ANKRD40: variants seen among roughly 807,000 people sequenced by gnomAD.
The protein encoded by ANKRD40 is ankyrin repeat domain 40, also known as ankyrin repeat domain-containing protein 40.
Under a neutral mutation model 35.5 loss-of-function variants are expected in ANKRD40, and 24 were observed. The ratio of observed to expected loss-of-function variants is 0.68; its 90% CI spans 0.49 to 0.95. The LOEUF (loss-of-function observed/expected upper bound fraction) is 0.95, where lower values mean the gene tolerates loss of function less well. Among genes scored for constraint, ANKRD40 ranks in the 40% least tolerant of loss-of-function variants. The pLI, the probability that ANKRD40 is intolerant of heterozygous loss-of-function variation, is 0.00. For missense variants in ANKRD40, 361 were observed against 436.0 expected, an observed-to-expected ratio of 0.83 and a Z score of 1.53; for synonymous variants, 147 against 173.5, an observed-to-expected ratio of 0.85 and a Z score of 1.20.
intron 1 of ANKRD40, among the ~76,000 whole-genome samples, chr17:50,703,457 A>C (rs4793668): frequency 1 from 151,982 of 152,258 alleles, 75,853 homozygotes; most frequent in Non-Finnish European, 1. Flanking sequence ...TTAGGGAATG[A>C]CAGAGGTTGG....
intron 3 of ANKRD40, 148 bp from the exon 4 acceptor site, chr17:50,697,269 A>G (rs1049891792): frequency 8.9e-6 from 7 of 789,136 alleles, no homozygotes; most frequent in Non-Finnish European, 1.3e-5. Context: ...AACCAAGTGC[A>G]GCCAGCAGGG....
chr17:50,707,234 C>A lies in ANKRD40; in HGVS notation c.134+287G>T. On this transcript the variant is annotated intron_variant, in intron 1 of 4. Coordinates refer to ENST00000285243, the MANE Select transcript of ANKRD40 (RefSeq NM_052855.4). This position sits in a 1 kb window ranked among gnomAD's most constrained non-coding sequence, Gnocchi z 4.8. ...CGCTGAGAATCACTGCCTCCAGCACCGCTCTGACCAAGTGAGCCGGGAGCG... is the reference window on the plus strand; with the variant it reads ...CGCTGAGAATCACTGCCTCCAGCACAGCTCTGACCAAGTGAGCCGGGAGCG... Among the ~76,000 whole-genome samples the A allele has an allele frequency of 6.6e-6, 1 of 152,200 alleles. No individual in the cohort carries two copies. The highest frequency in any genetic ancestry group is 1.9e-4 in the East Asian group (1 of 5,190).
Position 50,694,107 on chromosome 17 carries a change from G to T in ANKRD40, c.*1890C>A, listed in dbSNP as rs1335912246. ...ATTATGCCACTGCACTTCAGCCTGG[G>T]CAACAAAGCAAGACTCCGTCTCAAA... On this transcript the variant is annotated 3_prime_UTR_variant, in exon 5 of 5. Transcript: ENST00000285243. 1.2e-5 allele frequency: 1 copy of T among 80,328 alleles called. No individual in the cohort carries two copies. The highest frequency in any genetic ancestry group is 4.5e-4 in the South Asian group (1 of 2,198). The allele number at this position is 80,328 out of a possible 1,614,324, so 5.0% of individuals were successfully genotyped here.
intron 1 of ANKRD40, among the ~76,000 whole-genome samples, chr17:50,703,229 T>C (rs951432729): frequency 2.6e-5 from 4 of 152,206 alleles, no homozygotes; most frequent in African/African-American, 9.6e-5. Context: ...ACAACAACAA[T>C]GGCTAATACA....
chr17:50,696,788 A>C, intron 4 of ANKRD40, 152 bp downstream of exon 4: 1 of 723,504 alleles, frequency 1.4e-6, no homozygotes, highest in East Asian at 3.1e-5. Context: ...GTCCCTATAG[A>C]CTCAGTAGAA....
Position 50,694,782 on chromosome 17 carries a change from G to A in ANKRD40, c.*1215C>T, listed in dbSNP as rs954855421. ...GACTTTGTGAAGTGAATTGGTGGTA[G>A]TAGTAGGGGGATCACTAAGATCAAA... On this transcript the variant is annotated 3_prime_UTR_variant, in exon 5 of 5. Coordinates refer to ENST00000285243, the MANE Select transcript of ANKRD40 (RefSeq NM_052855.4). The A allele has an allele frequency of 5.3e-5, 8 of 152,202 alleles. No homozygotes were observed. The highest frequency in any genetic ancestry group is 1.0e-4 in the Non-Finnish European group (7 of 68,038). 9.4% of individuals were successfully genotyped at this position (152,202 alleles called of 1,614,324 possible).
At chr17:50,701,593 T>C (rs1968273311) in intron 1 of ANKRD40, among the ~76,000 whole-genome samples, 1 of 152,198 alleles carries the variant, frequency 6.6e-6, no homozygotes, top group Non-Finnish European at 1.5e-5. Flanking sequence ...AATGAAAGAT[T>C]CAGAGCAACT....
At chr17:50,701,977 G>T (rs1177140341) in intron 1 of ANKRD40, among the ~76,000 whole-genome samples, 1 of 152,160 alleles carries the variant, frequency 6.6e-6, no homozygotes, top group African/African-American at 2.4e-5. Context: ...TTCCTTTAAG[G>T]TGTATTCCAT....
At chr17:50,702,100 TATTA>T (rs1253705617) in intron 1 of ANKRD40, among the ~76,000 whole-genome samples, 4 of 152,166 alleles carry the variant, frequency 2.6e-5, no homozygotes, top group African/African-American at 9.7e-5. Context: ...GCTTGGCATG[TATTA>T]ATTAATATTT....
chr17:50,696,220 T>G, intron 4 of ANKRD40, 77 bp from the exon 5 acceptor site: 1 of 1,434,706 alleles, frequency 7.0e-7, no homozygotes, highest in Non-Finnish European at 9.4e-7. Flanking sequence ...TTGATACCAG[T>G]ATCTTGTCTT....
chr17:50,702,316 C>T (rs1215324560), intron 1 of ANKRD40, among the ~76,000 whole-genome samples: 1 of 151,920 alleles, frequency 6.6e-6, no homozygotes, highest in African/African-American at 2.4e-5. Context: ...AGGAGAATTG[C>T]TTGAACCCAG....
chr17:50,706,813 A>C (rs1597869688), intron 1 of ANKRD40, among the ~76,000 whole-genome samples: 2 of 138,130 alleles, frequency 1.4e-5, no homozygotes, highest in South Asian at 5.0e-4. Context: ...CTGTGGCAGG[A>C]GGATCACCTG....
intron 1 of ANKRD40, among the ~76,000 whole-genome samples, chr17:50,703,744 A>G (rs1205316709): frequency 2.0e-5 from 3 of 152,176 alleles, no homozygotes; most frequent in Non-Finnish European, 2.9e-5. Context: ...GACAGGAAGT[A>G]GAAATTGTAG....
intron 1 of ANKRD40, among the ~76,000 whole-genome samples, chr17:50,706,885 C>CA (rs1345247192): frequency 9.1e-6 from 1 of 109,680 alleles, no homozygotes; most frequent in Non-Finnish European, 1.7e-5. Flanking sequence ...CCCTGGGCGA[C>CA]AGGGCAAGAC....
intron 2 of ANKRD40, 200 bp downstream of exon 2, chr17:50,700,368 G>A: frequency 2.1e-6 from 1 of 473,774 alleles, no homozygotes; most frequent in Non-Finnish European, 3.6e-6. Context: ...ACTTGAACCT[G>A]GGAGGCAGAG....
chr17:50,698,065 G>T lies in ANKRD40; in HGVS notation c.779-944C>A, dbSNP rs1013318985. 1.6e-4 allele frequency among the ~76,000 whole-genome samples: 24 copies of T among 151,978 alleles called. 1 individual carries two copies. The highest frequency in any genetic ancestry group is 1.5e-3 in the Admixed American group (23 of 15,232). On this transcript the variant is annotated intron_variant, in intron 3 of 4. Transcript: ENST00000285243. Reference sequence around the variant, plus strand: ...GAAATGATATACCTGTAGCAATGAGGACACCTAGTGACCACATCCTGGTGT... The same window carrying T: ...GAAATGATATACCTGTAGCAATGAGTACACCTAGTGACCACATCCTGGTGT...
At chr17:50,700,461 G>GA (rs962700209) in intron 2 of ANKRD40, 107 bp downstream of exon 2, 3 of 764,580 alleles carry the variant, frequency 3.9e-6, no homozygotes, top group African/African-American at 1.9e-5. Flanking sequence ...AAAAAAAAAA[G>GA]AAAGAAATAG....
Position 50,699,528 on chromosome 17 carries a change from G to A in ANKRD40, c.649C>T (p.Arg217Cys), listed in dbSNP as rs774578043. 19 of 1,614,186 alleles carry A rather than the reference G, an allele frequency of 1.2e-5. No homozygotes were observed. Among genetic ancestry groups the A allele is most frequent in the East Asian group, 1.1e-4 (5 of 44,888 alleles). ...PVCQPPVSQS[R>C]SLFSSVPSKP... ...GACGGGACAGAAGAAAACAGGGAGC[G>A]GCTCTGACTCACTGGTGGCTGACAA... Residue 217 changes from arginine (R) to cysteine (C), a missense_variant, in exon 3 of 5, where the codon CGC (arginine) becomes TGC (cysteine). Physicochemically the swap from Arg to Cys is radical, Grantham distance 180. Transcript: ENST00000285243.
Position 50,695,302 on chromosome 17 carries a change from G to A in ANKRD40, c.*695C>T, listed in dbSNP as rs1968185536. On this transcript the variant is annotated 3_prime_UTR_variant, in exon 5 of 5. Transcript: ENST00000285243. ...GTGACCACGAAGGGGAGTTAATGCA[G>A]AGATGACTCGAGACAGAGAAGCAGT... 1.3e-5 allele frequency: 2 copies of A among 152,360 alleles called. No homozygotes were observed. Among genetic ancestry groups the A allele is most frequent in the Non-Finnish European group, 2.9e-5 (2 of 68,096 alleles). 9.4% of individuals were successfully genotyped at this position (152,360 alleles called of 1,614,324 possible). A position where few individuals can be genotyped will look rare whatever the true frequency, so the allele number is the denominator to read the frequency against.
Sources: gnomAD v4.1 joint callset for allele counts (sites outside exome capture counted in the v4.1 genomes callset) on GRCh38, gnomAD v4.1.1 for gene constraint, Gnocchi (gnomAD v3.1) non-coding constraint, MANE v1.5 for transcripts, NCBI Gene and HGNC (gene_info 2026-07-23, HGNC 2026-07-21) for gene names.